The following ADGRF3 variants were observed in gnomAD, a reference collection of about 807,000 sequenced individuals.
ADGRF3 encodes G protein-coupled receptor 113.
ADGRF3 carries 85 observed loss-of-function variants against 93.2 expected under a neutral mutation model. The ratio of observed to expected loss-of-function variants is 0.91; its 90% CI spans 0.77 to 1.09. The LOEUF (loss-of-function observed/expected upper bound fraction) is 1.09. ADGRF3 is among the 50% of genes least tolerant of loss of function. The probability of loss-of-function intolerance (pLI) is 0.00; values close to 1 mark genes in which losing one functional copy is unlikely to be tolerated. For missense variants in ADGRF3, 1,125 were observed against 1,246.2 expected, an observed-to-expected ratio of 0.90 and a Z score of 1.46; for synonymous variants, 534 against 532.5, an observed-to-expected ratio of 1.00 and a Z score of -0.04.
chr2:26,335,426 C>G (rs34829720), intron 1 of ADGRF3, among the ~76,000 whole-genome samples: 57,252 of 152,120 alleles, frequency 0.38, 12,100 homozygotes, highest in Non-Finnish European at 0.48. Context: ...ATCCATTCAG[C>G]AGCTGGGCAT....
chr2:26,342,570 A>G lies in ADGRF3; in HGVS notation c.114+3551T>C, dbSNP rs551905379. On this transcript the variant is annotated intron_variant, in intron 1 of 13. Transcript: ENST00000651242. ...TTGGTTATATTATAAAAATAAAAAT[A>G]TTGTTTCTAGCACGAATTGATATTT... Among the ~76,000 whole-genome samples the G allele has an allele frequency of 5.3e-5, 8 of 152,374 alleles. No individual in the cohort carries two copies. The South Asian group carries it at 1.7e-3, about 32-fold the overall frequency.
rs1009978633 is a variant in ADGRF3, at chr2:26,310,683, A to G, written c.2832+9T>C. 9 of 1,606,056 alleles carry G rather than the reference A, an allele frequency of 5.6e-6. No individual in the cohort carries two copies. Among genetic ancestry groups the G allele is most frequent in the African/African-American group, 1.3e-5 (1 of 74,740 alleles). On this transcript the variant is annotated intron_variant, in intron 10 of 13. Transcript: ENST00000651242. ...AAGCAAAAAACACAGCCACCCCCCT[A>G]TCACCTACCTGGAGGGTGTTGAGAA...
intron 5 of ADGRF3, among the ~76,000 whole-genome samples, 167 bp downstream of exon 5, chr2:26,315,355 G>A (rs1018465123): frequency 4.6e-5 from 7 of 152,184 alleles, no homozygotes; most frequent in African/African-American, 1.7e-4. Flanking sequence ...TCCCCAGAAT[G>A]GGTAAATGGA....
intron 5 of ADGRF3, 122 bp from the exon 6 acceptor site, chr2:26,314,745 C>A (rs756051899): frequency 2.3e-6 from 2 of 871,306 alleles, no homozygotes; most frequent in Non-Finnish European, 3.6e-6. Context: ...GTGCTTAACC[C>A]CAGCAAGCAA....
At position 26,313,247 on chromosome 2, in the gene ADGRF3, A is replaced by AG. The variant is rs1210723652; in HGVS notation, c.1270-126dup. The AG allele has an allele frequency of 2.1e-6, 3 of 1,435,996 alleles. No homozygotes were observed. In the African/African-American group the frequency reaches 4.2e-5, roughly 20 times the overall value. 89.0% of individuals were successfully genotyped at this position (1,435,996 alleles called of 1,614,324 possible). A position where few individuals can be genotyped will look rare whatever the true frequency, so the allele number is the denominator to read the frequency against. ...CTCACTCCTACTTCCTGGCTCTGCT[A>AG]GGGCTCCACTTCAGAGAAGCTGAAC... On this transcript the variant is annotated intron_variant, in intron 8 of 13. Coordinates refer to ENST00000651242, the MANE Select transcript of ADGRF3 (RefSeq NM_001321971.2).
intron 1 of ADGRF3, among the ~76,000 whole-genome samples, chr2:26,335,103 A>AC (rs1675965636): frequency 6.6e-6 from 1 of 152,214 alleles, no homozygotes; most frequent in African/African-American, 2.4e-5. Context: ...GGTGTTTAGT[A>AC]TATTCACAAT....
chr2:26,333,059 C>G (rs887589182), intron 1 of ADGRF3, among the ~76,000 whole-genome samples: 3 of 152,292 alleles, frequency 2.0e-5, no homozygotes, highest in African/African-American at 7.2e-5. Context: ...ACACTCCCTC[C>G]TCTCCTAGGA....
intron 1 of ADGRF3, among the ~76,000 whole-genome samples, chr2:26,326,881 T>TCTTG (rs1357791546): frequency 6.6e-6 from 1 of 152,194 alleles, no homozygotes; most frequent in African/African-American, 2.4e-5. Flanking sequence ...CAAGCAGTTC[T>TCTTG]CTTGCCTCAG....
At chr2:26,334,805 A>C (rs892692774) in intron 1 of ADGRF3, among the ~76,000 whole-genome samples, 2 of 152,216 alleles carry the variant, frequency 1.3e-5, no homozygotes, top group Non-Finnish European at 2.9e-5. Flanking sequence ...CATAATTTGC[A>C]ATAATGTTCT....
In ADGRF3 at chr2:26,346,040, G is replaced by A. The variant is rs1285951883; in HGVS notation, c.114+81C>T. 5 of 1,403,832 alleles carry A rather than the reference G, an allele frequency of 3.6e-6. No homozygotes were observed. In the South Asian group the frequency reaches 4.0e-5, roughly 11 times the overall value. The allele number at this position is 1,403,832 out of a possible 1,614,324, so 87.0% of individuals were successfully genotyped here. A position where few individuals can be genotyped will look rare whatever the true frequency, so the allele number is the denominator to read the frequency against. On this transcript the variant is annotated intron_variant, in intron 1 of 13. Coordinates refer to ENST00000651242, the MANE Select transcript of ADGRF3 (RefSeq NM_001321971.2). ...CCCTCGATGGGCGGGGAGAAGCGTG[G>A]GCTGCGCTTGCGCACTGAGAGGCGG...
chr2:26,311,632 T>C lies in ADGRF3; in HGVS notation c.1892A>G (p.Gln631Arg). The C allele has an allele frequency of 1.2e-6, 2 of 1,613,610 alleles. No individual in the cohort carries two copies. Among genetic ancestry groups the C allele is most frequent in the South Asian group, 2.2e-5 (2 of 91,086 alleles). Residue 631 changes from glutamine (Q) to arginine (R), a missense_variant, in exon 10 of 14, where the codon CAG becomes CGG. Gln to Arg is a conservative substitution (Grantham distance 43). Coordinates refer to ENST00000651242, the MANE Select transcript of ADGRF3 (RefSeq NM_001321971.2). ...CCCAAAGTCCATGATGACCTCTCCCTGGCTGAAGGCCCGGTCACCTGCCAT... is the reference window on the plus strand; with the variant it reads ...CCCAAAGTCCATGATGACCTCTCCCCGGCTGAAGGCCCGGTCACCTGCCAT... ...SIMAGDRAFS[Q>R]GEVIMDFGNT... is the part of the protein sequence containing the mutation.
At chr2:26,309,872 G>T in intron 12 of ADGRF3, 171 bp downstream of exon 12, 1 of 1,479,830 alleles carries the variant, frequency 6.8e-7, no homozygotes, top group Non-Finnish European at 9.2e-7. Context: ...GCTCTGACCA[G>T]GCTGCTCATT....
intron 1 of ADGRF3, among the ~76,000 whole-genome samples, chr2:26,332,023 T>C (rs1675797624): frequency 6.6e-6 from 1 of 152,214 alleles, no homozygotes; most frequent in African/African-American, 2.4e-5. Context: ...TCCTCCCCCA[T>C]TAGCTTTTAG....
At position 26,312,056 on chromosome 2, in the gene ADGRF3, C is replaced by T; in HGVS notation, c.1468G>A (p.Asp490Asn). 6.2e-7 allele frequency: 1 copy of T among 1,608,852 alleles called. No homozygotes were observed. Among genetic ancestry groups the T allele is most frequent in the Admixed American group, 1.7e-5 (1 of 59,732 alleles). ...RALKNLLIAT[D>N]KVLDMDTRSL... ...CTGGTGTCCATATCTAGGACCTTGTCTGTGGCAATCAGGAGATTCTGCAGC... is the reference window on the plus strand; with the variant it reads ...CTGGTGTCCATATCTAGGACCTTGTTTGTGGCAATCAGGAGATTCTGCAGC... The change falls in exon 10 of 14, where the codon GAC (aspartate) becomes AAC (asparagine). Residue 490 changes from aspartate to asparagine, a missense_variant. Asp to Asn is a conservative substitution (Grantham distance 23, BLOSUM62 1). Transcript: ENST00000651242.
At chr2:26,337,977 C>A (rs533552579) in intron 1 of ADGRF3, among the ~76,000 whole-genome samples, 2 of 152,190 alleles carry the variant, frequency 1.3e-5, no homozygotes, top group South Asian at 2.1e-4. Flanking sequence ...GAGCCGAGAT[C>A]GTGCCACTGC....
In ADGRF3 at chr2:26,341,006, AT is replaced by A. The variant is rs1676362867; in HGVS notation, c.114+5114del. On this transcript the variant is annotated intron_variant, in intron 1 of 13. Transcript: ENST00000651242. ...CTCATATCACACTGGGTCCCTCTGAATGTTTAAACTGTCTCTAGACTTCGAA... is the reference window on the plus strand; with the variant it reads ...CTCATATCACACTGGGTCCCTCTGAAGTTTAAACTGTCTCTAGACTTCGAA... 3.9e-5 allele frequency among the ~76,000 whole-genome samples: 6 copies of A among 152,240 alleles called. No individual in the cohort carries two copies. In the South Asian group the frequency reaches 1.2e-3, roughly 32 times the overall value.
rs778970390 is a variant in ADGRF3, at chr2:26,311,740, T to C, written c.1784A>G (p.Asp595Gly). The C allele has an allele frequency of 2.5e-6, 4 of 1,613,404 alleles. No homozygotes were observed. In the South Asian group the frequency reaches 4.4e-5, roughly 18 times the overall value. Reference sequence around the variant, plus strand: ...TCCATAGTTTGAGGGCAGAAGGTGGTCCAGTTTTCGCAGCACCAGGCTAGT... The same window carrying C: ...TCCATAGTTTGAGGGCAGAAGGTGGCCCAGTTTTCGCAGCACCAGGCTAGT... Reference protein sequence around the residue: ...SITSLVLRKLDHLLPSNYGQG... With the variant: ...SITSLVLRKLGHLLPSNYGQG... The change falls in exon 10 of 14, where the codon GAC (aspartate) becomes GGC (glycine). Residue 595 changes from aspartate (D) to glycine (G), a missense_variant. By Grantham distance (94) the Asp-to-Gly change is moderately conservative. Transcript: ENST00000651242.
intron 1 of ADGRF3, among the ~76,000 whole-genome samples, chr2:26,325,234 A>G (rs879912571): frequency 6.6e-6 from 1 of 152,266 alleles, no homozygotes; most frequent in Non-Finnish European, 1.5e-5. Flanking sequence ...CGGCTGACAC[A>G]GAGAACTCTA....
In ADGRF3 at chr2:26,312,021, CCA is replaced by C. The variant is rs781120066; in HGVS notation, c.1501_1502del (p.Trp501AspfsTer53). 8 of 1,612,782 alleles carry C rather than the reference CCA, an allele frequency of 5.0e-6. No homozygotes were observed. Among genetic ancestry groups the C allele is most frequent in the Non-Finnish European group, 6.8e-6 (8 of 1,179,868 alleles). On this transcript the variant is annotated frameshift_variant, in exon 10 of 14. Coordinates refer to ENST00000651242, the MANE Select transcript of ADGRF3 (RefSeq NM_001321971.2). LOFTEE classifies it high-confidence loss of function. ...AGGGCTTCCGGGCTTGGGCCAGGGT[CCA>C]CAGAGACCTGGTGTCCATATCTAGG... is the stretch of plus-strand genomic sequence containing the variant. Reference protein sequence around the residue: ...KVLDMDTRSLWTLAQARKPWA... With the variant: ...KVLDMDTRSLXTLAQARKPWA...
Sources: gnomAD v4.1 joint callset for allele counts (sites outside exome capture counted in the v4.1 genomes callset) on GRCh38, gnomAD v4.1.1 for gene constraint, MANE v1.5 for transcripts, NCBI Gene and HGNC (gene_info 2026-07-23, HGNC 2026-07-21) for gene names.